Variants in CORO2A observed in about 807,000 individuals in gnomAD.
CORO2A encodes coronin 2A.
A neutral mutation model predicts 62.4 loss-of-function variants in CORO2A; 47 were observed. The ratio of observed to expected loss-of-function variants is 0.75; its 90% CI spans 0.60 to 0.96. The LOEUF is 0.96. Ranked by LOEUF, CORO2A falls within the 40% of genes least tolerant of loss-of-function variation. CORO2A has a pLI of 0.00. For synonymous variants in CORO2A, 273 were observed against 268.9 expected, an observed-to-expected ratio of 1.02 and a Z score of -0.15; for missense variants, 610 against 684.1, an observed-to-expected ratio of 0.89 and a Z score of 1.21.
chr9:98,128,698 A>G lies in CORO2A; in HGVS notation c.989T>C (p.Leu330Pro). Reference sequence around the variant, plus strand: ...GAAGATCTCGCAGGAGGACACGTCGAGTCCTCTCTTTGGCATGACACCTGA... The same window carrying G: ...GAAGATCTCGCAGGAGGACACGTCGGGTCCTCTCTTTGGCATGACACCTGA... ...KGIGVMPKRGLDVSSCEIFRF... is the reference protein window; with the variant it reads ...KGIGVMPKRGPDVSSCEIFRF... Residue 330 changes from leucine to proline, a missense_variant, in exon 9 of 12, where the codon CTC becomes CCC. Physicochemically the swap from Leu to Pro is moderately conservative, Grantham distance 98 (BLOSUM62 -3). Coordinates refer to ENST00000375077, the MANE Select transcript of CORO2A (RefSeq NM_052820.4). 6.2e-7 allele frequency: 1 copy of G among 1,614,118 alleles called. No homozygotes were observed. Among genetic ancestry groups the G allele is most frequent in the Non-Finnish European group, 8.5e-7 (1 of 1,179,978 alleles).
At chr9:98,182,570 G>C (rs1009325856) in intron 1 of CORO2A, among the ~76,000 whole-genome samples, 3 of 152,332 alleles carry the variant, frequency 2.0e-5, no homozygotes, top group African/African-American at 7.2e-5. Context: ...CCAGGACTCA[G>C]GAGCCTTTTC....
intron 1 of CORO2A, among the ~76,000 whole-genome samples, chr9:98,186,675 A>G (rs571712386): frequency 6.6e-6 from 1 of 152,186 alleles, no homozygotes; most frequent in Non-Finnish European, 1.5e-5. Flanking sequence ...TAATATATCC[A>G]TTTTAAAACG....
At chr9:98,176,041 G>A (rs1336114734) in intron 1 of CORO2A, among the ~76,000 whole-genome samples, 1 of 152,160 alleles carries the variant, frequency 6.6e-6, no homozygotes, top group Non-Finnish European at 1.5e-5. Context: ...GCTTTGAGCA[G>A]GGCTTACAGA....
Position 98,123,441 on chromosome 9 carries a change from G to A in CORO2A, c.*1333C>T, listed in dbSNP as rs1827268978. The stretch of plus-strand genomic sequence containing the variant: ...AAGGGAGCTGTCTGGTTGGAATACA[G>A]TGTGGGGAAGGGAGACACAGCCTTC... On this transcript the variant is annotated 3_prime_UTR_variant, in exon 12 of 12. Coordinates refer to ENST00000375077, the MANE Select transcript of CORO2A (RefSeq NM_052820.4). 6.6e-6 allele frequency: 1 copy of A among 151,596 alleles called. No individual in the cohort carries two copies. The highest frequency in any genetic ancestry group is 1.5e-5 in the Non-Finnish European group (1 of 67,994). The allele number at this position is 151,596 out of a possible 1,614,324, so 9.4% of individuals were successfully genotyped here.
chr9:98,169,211 C>CA (rs1564215001), intron 1 of CORO2A, among the ~76,000 whole-genome samples: 4 of 146,150 alleles, frequency 2.7e-5, no homozygotes, highest in Non-Finnish European at 4.5e-5. Context: ...CCCGCCCCCG[C>CA]GCCGCCCATC....
At chr9:98,168,096 CA>C (rs1262175823) in intron 1 of CORO2A, among the ~76,000 whole-genome samples, 1 of 152,212 alleles carries the variant, frequency 6.6e-6, no homozygotes, top group Admixed American at 6.5e-5. Context: ...TCTAGTCCCA[CA>C]AGGCTTCTAA....
At chr9:98,150,442 T>C (rs1246663735) in intron 2 of CORO2A, among the ~76,000 whole-genome samples, 2 of 152,162 alleles carry the variant, frequency 1.3e-5, no homozygotes, top group Non-Finnish European at 2.9e-5. Context: ...AATGTTTGCA[T>C]GTTCTATTTG....
rs146493322 is a variant in CORO2A at position 98,132,939 on chromosome 9, C to T, written c.648+99G>A. 2.9e-5 allele frequency: 40 copies of T among 1,377,596 alleles called. No individual in the cohort carries two copies. In the Admixed American group the frequency reaches 3.0e-4, roughly 10 times the overall value. 85.3% of individuals were successfully genotyped at this position (1,377,596 alleles called of 1,614,324 possible). A position where few individuals can be genotyped will look rare whatever the true frequency, so the allele number is the denominator to read the frequency against. ...GCTGCCTGTGAAGGCGCAGCCCAGA[C>T]GCTGACAGCATCACTGTCCTGTTCT... On this transcript the variant is annotated intron_variant, in intron 5 of 11. Coordinates refer to ENST00000375077, the MANE Select transcript of CORO2A (RefSeq NM_052820.4).
intron 1 of CORO2A, among the ~76,000 whole-genome samples, chr9:98,158,359 T>A (rs1430781689): frequency 6.6e-6 from 1 of 152,206 alleles, no homozygotes; most frequent in Non-Finnish European, 1.5e-5. Context: ...TTAGATGATG[T>A]ATTTAGACCC....
At chr9:98,148,987 A>T (rs1210644290) in intron 2 of CORO2A, among the ~76,000 whole-genome samples, 1 of 152,130 alleles carries the variant, frequency 6.6e-6, no homozygotes, top group African/African-American at 2.4e-5. Context: ...TCTGGGGTTA[A>T]GGAGGGAATG....
At chr9:98,127,903 G>A (rs370049521) in intron 10 of CORO2A, among the ~76,000 whole-genome samples, 8 of 151,092 alleles carry the variant, frequency 5.3e-5, no homozygotes, top group East Asian at 3.9e-4. Flanking sequence ...GGTGGTCCAG[G>A]CACCCCACAT....
Position 98,163,741 on chromosome 9 carries a change from TGAGAGAGA to T in CORO2A, c.1-6089_1-6082del, listed in dbSNP as rs565063006. 1.4e-4 allele frequency among the ~76,000 whole-genome samples: 19 copies of T among 139,628 alleles called. No individual in the cohort carries two copies. The Middle Eastern group carries it at 0.011, about 80-fold the overall frequency. The allele number at this position is 139,628 out of a possible 152,430, so 91.6% of individuals were successfully genotyped here. ...GTGTGTGTGTGTGTATGTGTGTGTG[TGAGAGAGA>T]GAGAGAGAGAGAGAGAGAGAGAGAG... On this transcript the variant is annotated intron_variant, in intron 1 of 11. Transcript: ENST00000375077.
chr9:98,138,199 G>A (rs951406912), intron 2 of CORO2A, among the ~76,000 whole-genome samples: 5 of 152,100 alleles, frequency 3.3e-5, no homozygotes, highest in Non-Finnish European at 7.4e-5. Flanking sequence ...TGGATCACCT[G>A]AGGTCAGGAG....
intron 1 of CORO2A, among the ~76,000 whole-genome samples, chr9:98,187,703 C>G (rs1828257150): frequency 6.6e-6 from 1 of 152,090 alleles, no homozygotes. Context: ...TGACCTAATT[C>G]CCTCTCAAAA....
intron 1 of CORO2A, among the ~76,000 whole-genome samples, chr9:98,166,439 G>A (rs1827962295): frequency 6.6e-6 from 1 of 152,208 alleles, no homozygotes; most frequent in Non-Finnish European, 1.5e-5. Flanking sequence ...CATATGGAAT[G>A]AGAGGAAATA....
chr9:98,154,352 T>TATACAC (rs71369555), intron 2 of CORO2A, among the ~76,000 whole-genome samples: 1 of 94,050 alleles, frequency 1.1e-5, no homozygotes, highest in African/African-American at 3.7e-5. Context: ...TATATATATA[T>TATACAC]ACACAAATAC....
chr9:98,188,773 AAAC>A lies in CORO2A; in HGVS notation c.-1+3783_-1+3785del, dbSNP rs199683215. Among the ~76,000 whole-genome samples the A allele has an allele frequency of 7.9e-5, 12 of 152,284 alleles. No individual in the cohort carries two copies. In the East Asian group the frequency reaches 1.3e-3, roughly 17 times the overall value. On this transcript the variant is annotated intron_variant, in intron 1 of 11. Transcript: ENST00000375077. ...AGACAGAGCGAGACTCTGTCTCAGA[AAAC>A]AACAACAACAACAAAAAACAACAAC... is the stretch of plus-strand genomic sequence containing the variant.
chr9:98,164,428 T>C (rs1474685255), intron 1 of CORO2A, among the ~76,000 whole-genome samples: 2 of 152,216 alleles, frequency 1.3e-5, no homozygotes, highest in Non-Finnish European at 2.9e-5. Flanking sequence ...GGGTCTCTGA[T>C]CCACCCATTG....
intron 3 of CORO2A, among the ~76,000 whole-genome samples, chr9:98,136,801 T>C (rs190450906): frequency 6.6e-6 from 1 of 152,356 alleles, no homozygotes; most frequent in East Asian, 1.9e-4. Flanking sequence ...GGGCTCACAA[T>C]AAATGGTGAC....
Sources: gnomAD v4.1 joint callset for allele counts (sites outside exome capture counted in the v4.1 genomes callset) on GRCh38, gnomAD v4.1.1 for gene constraint, MANE v1.5 for transcripts, NCBI Gene and HGNC (gene_info 2026-07-23, HGNC 2026-07-21) for gene names.